CDC42BPB: variants seen among roughly 807,000 people sequenced by gnomAD.
CDC42BPB encodes CDC42 binding protein kinase beta, also known as serine/threonine-protein kinase MRCK beta.
A neutral mutation model predicts 214.9 loss-of-function variants in CDC42BPB; 37 were observed. The ratio of observed to expected loss-of-function variants is 0.17; its 90% CI spans 0.13 to 0.23. The LOEUF (loss-of-function observed/expected upper bound fraction) is 0.23, where lower values mean the gene tolerates loss of function less well. Among genes scored for constraint, CDC42BPB ranks in the 10% least tolerant of loss-of-function variants. CDC42BPB has a pLI of 1.00. For synonymous variants in CDC42BPB, 931 were observed against 884.0 expected (o/e 1.05, Z -0.94); for missense variants, 1,694 against 2,227.0 (o/e 0.76, Z 4.82).
chr14:103,034,275 G>C (rs1255860713), intron 1 of CDC42BPB, among the ~76,000 whole-genome samples: 2 of 152,058 alleles, frequency 1.3e-5, no homozygotes, highest in African/African-American at 4.8e-5. Flanking sequence ...CAGCGTTTTG[G>C]GAGGCCAAGG....
intron 11 of CDC42BPB, 50 bp downstream of exon 11, chr14:102,975,634 C>G: frequency 6.3e-7 from 1 of 1,576,212 alleles, no homozygotes. Context: ...CCTTTTAAGA[C>G]AGTAATGACC....
chr14:103,008,380 G>C (rs1048615629), intron 3 of CDC42BPB, 92 bp downstream of exon 3: 7 of 834,956 alleles, frequency 8.4e-6, no homozygotes, highest in Non-Finnish European at 1.5e-5. Context: ...CCAGGGCTGT[G>C]GGGTGGCTGC....
chr14:102,999,935 A>G, intron 4 of CDC42BPB: 1 of 983,096 alleles, frequency 1.0e-6, no homozygotes, highest in Non-Finnish European at 1.2e-6. Context: ...AGTGGACTTC[A>G]GTAAGTGATG....
rs8013731 is a variant in CDC42BPB at position 103,004,819 on chromosome 14, A to G, written c.352-796T>C. On this transcript the variant is annotated intron_variant, in intron 3 of 36. Coordinates refer to ENST00000361246, the MANE Select transcript of CDC42BPB (RefSeq NM_006035.4). The surrounding 1 kb of genome is among the most constrained non-coding windows in gnomAD (Gnocchi z 5.3). ...AGGAAGCGGAGGTTGCGGTGAGCCAAAATTGCATCACCGTACTCCAGCCTG... is the reference window on the plus strand; with the variant it reads ...AGGAAGCGGAGGTTGCGGTGAGCCAGAATTGCATCACCGTACTCCAGCCTG... Among the ~76,000 whole-genome samples the G allele has an allele frequency of 0.091, 13,855 of 151,660 alleles. 996 individuals are homozygous for G. Among genetic ancestry groups the G allele is most frequent in the African/African-American group, 0.2 (8,256 of 41,282 alleles).
Position 103,004,088 on chromosome 14 carries a change from G to C in CDC42BPB, c.352-65C>G. The C allele has an allele frequency of 6.7e-7, 1 of 1,498,220 alleles. No individual in the cohort carries two copies. Among genetic ancestry groups the C allele is most frequent in the Non-Finnish European group, 8.9e-7 (1 of 1,120,410 alleles). The allele number at this position is 1,498,220 out of a possible 1,614,324, so 92.8% of individuals were successfully genotyped here. A position where few individuals can be genotyped will look rare whatever the true frequency, so the allele number is the denominator to read the frequency against. On this transcript the variant is annotated intron_variant, in intron 3 of 36. Transcript: ENST00000361246. The surrounding 1 kb of genome is among the most constrained non-coding windows in gnomAD (Gnocchi z 5.3). Reference sequence around the variant, plus strand: ...AAGCAGGCCAGAGAGCGTACTGCCGGTCTCGGGGTCCCTCCTGGGACAGTG... The same window carrying C: ...AAGCAGGCCAGAGAGCGTACTGCCGCTCTCGGGGTCCCTCCTGGGACAGTG...
intron 1 of CDC42BPB, among the ~76,000 whole-genome samples, chr14:103,046,104 T>C (rs1169356392): frequency 2.0e-5 from 3 of 151,874 alleles, no homozygotes; most frequent in Non-Finnish European, 4.4e-5. Flanking sequence ...CTGAGGGTAA[T>C]GGGCACAAAA....
intron 5 of CDC42BPB, among the ~76,000 whole-genome samples, chr14:102,995,984 T>C (rs1025031507): frequency 6.6e-6 from 1 of 152,342 alleles, no homozygotes; most frequent in Non-Finnish European, 1.5e-5. Context: ...AAATAAAGTT[T>C]TAAAATTACA....
At chr14:103,011,023 C>T (rs1886126099) in intron 2 of CDC42BPB, among the ~76,000 whole-genome samples, 1 of 152,166 alleles carries the variant, frequency 6.6e-6, no homozygotes, top group Non-Finnish European at 1.5e-5. Flanking sequence ...CAGCGAGACT[C>T]CATCTCAAAA....
intron 1 of CDC42BPB, among the ~76,000 whole-genome samples, chr14:103,056,776 G>A (rs914789600): frequency 2.0e-5 from 3 of 152,144 alleles, no homozygotes; most frequent in Non-Finnish European, 4.4e-5. Flanking sequence ...GGGCAAGGAG[G>A]GATGAAAAGC....
Position 102,944,358 on chromosome 14 carries a change from G to C in CDC42BPB, c.3941C>G (p.Ala1314Gly), listed in dbSNP as rs749094142. The C allele has an allele frequency of 6.2e-7, 1 of 1,612,702 alleles. No homozygotes were observed. Among genetic ancestry groups the C allele is most frequent in the South Asian group, 1.1e-5 (1 of 91,030 alleles). Reference sequence around the variant, plus strand: ...AAGCTTGATGTCAAAGCTGCCTTCCGCTCCATCAAGGGACGACCACGGATA... The same window carrying C: ...AAGCTTGATGTCAAAGCTGCCTTCCCCTCCATCAAGGGACGACCACGGATA... ...HLYPWSSLDG[A>G]EGSFDIKLPE... The change falls in exon 30 of 37, where the codon GCG becomes GGG. Residue 1314 changes from alanine to glycine, a missense_variant. Physicochemically the swap from Ala to Gly is moderately conservative, Grantham distance 60. Transcript: ENST00000361246. This position sits in a 1 kb window ranked among gnomAD's most constrained non-coding sequence, Gnocchi z 6.6.
chr14:103,013,777 C>T (rs918876729), intron 1 of CDC42BPB, among the ~76,000 whole-genome samples: 2 of 152,166 alleles, frequency 1.3e-5, no homozygotes, highest in African/African-American at 2.4e-5. Context: ...GCCTGGCTGA[C>T]GCCCTGCCTC....
rs763081501 is a variant in CDC42BPB at position 102,983,610 on chromosome 14, C to T, written c.837G>A (p.Thr279=). Residue 279 remains threonine, a synonymous_variant, in exon 7 of 37, where the codon ACG becomes ACA. Coordinates refer to ENST00000361246, the MANE Select transcript of CDC42BPB (RefSeq NM_006035.4). ...VCMYEMLYGE[T]PFYAESLVET... ...CCACGAGTGACTCCGCATAAAACGG[C>T]GTTTCTCCATAGAGCATCTCATACA... 3.7e-6 allele frequency: 6 copies of T among 1,612,678 alleles called. No individual in the cohort carries two copies. The East Asian group carries it at 1.1e-4, about 30-fold the overall frequency.
rs9324054 is a variant in CDC42BPB at position 103,001,607 on chromosome 14, G to A, written c.448-1894C>T. ...TGAGTGGGTGATGTTCCCCAGCTACGTTCAGAAGCCCAGGCACCGAGGTGC... is the reference window on the plus strand; with the variant it reads ...TGAGTGGGTGATGTTCCCCAGCTACATTCAGAAGCCCAGGCACCGAGGTGC... On this transcript the variant is annotated intron_variant, in intron 4 of 36. Coordinates refer to ENST00000361246, the MANE Select transcript of CDC42BPB (RefSeq NM_006035.4). This position sits in a 1 kb window ranked among gnomAD's most constrained non-coding sequence, Gnocchi z 5.8. 6.5e-3 allele frequency among the ~76,000 whole-genome samples: 997 copies of A among 152,312 alleles called. 9 individuals carry two copies. Among genetic ancestry groups the A allele is most frequent in the African/African-American group, 0.023 (949 of 41,570 alleles).
At chr14:102,984,743 C>T (rs376957729) in intron 6 of CDC42BPB, among the ~76,000 whole-genome samples, 79 of 152,226 alleles carry the variant, frequency 5.2e-4, no homozygotes, top group African/African-American at 1.4e-3. Flanking sequence ...ACAACAACCA[C>T]AGGCCTGTCT....
chr14:102,939,856 T>C lies in CDC42BPB; in HGVS notation c.4683A>G (p.Pro1561=), dbSNP rs1253895595. 5 of 1,613,968 alleles carry C rather than the reference T, an allele frequency of 3.1e-6. No homozygotes were observed. In the South Asian group the frequency reaches 3.3e-5, roughly 11 times the overall value. ...GCCTCTGCTGCAGTCTCTCTTCCTC[T>C]GGGACCTTGAAGACGAACCGCCTTT... The part of the protein sequence containing the change: ...RSKRRFVFKV[P]EEERLQQRRE... The change falls in exon 33 of 37, where the codon CCA becomes CCG. Residue 1561 remains proline (P), a synonymous_variant. Transcript: ENST00000361246.
At chr14:102,994,370 AT>A (rs58120592) in intron 5 of CDC42BPB, among the ~76,000 whole-genome samples, 125 of 147,916 alleles carry the variant, frequency 8.5e-4, no homozygotes, top group South Asian at 1.5e-3. Flanking sequence ...GTGGTGGTTG[AT>A]TTTTTTTTTT....
chr14:103,038,385 GC>G (rs1470626280), intron 1 of CDC42BPB, among the ~76,000 whole-genome samples: 1 of 150,784 alleles, frequency 6.6e-6, no homozygotes, highest in Non-Finnish European at 1.5e-5. Context: ...CTCCTTAATA[GC>G]CCCAAAGCGG....
chr14:102,982,497 G>A (rs928187568), intron 7 of CDC42BPB, among the ~76,000 whole-genome samples: 2 of 152,200 alleles, frequency 1.3e-5, no homozygotes, highest in East Asian at 1.9e-4. Context: ...GACTGGGTGC[G>A]ATGGCTCACG....
intron 5 of CDC42BPB, chr14:102,986,781 C>T (rs1325100182): frequency 1.5e-5 from 14 of 957,236 alleles, no homozygotes; most frequent in Non-Finnish European, 1.7e-5. Flanking sequence ...TCGTTTAGTC[C>T]CCAGTTACCC....
Sources: allele counts gnomAD v4.1 joint callset (sites outside exome capture counted in the v4.1 genomes callset), GRCh38; gene constraint gnomAD v4.1.1; non-coding constraint Gnocchi (gnomAD v3.1); transcripts MANE v1.5; gene names NCBI Gene and HGNC (gene_info 2026-07-23, HGNC 2026-07-21).